The following SLC30A5 variants were observed in gnomAD, a reference collection of about 807,000 sequenced individuals.
SLC30A5 encodes solute carrier family 30 member 5, also known as proton-coupled zinc antiporter SLC30A5.
In SLC30A5, 33 loss-of-function variants were observed where a neutral mutation model predicts 79.6. That is an observed-to-expected ratio of 0.41 (90% CI 0.31 to 0.55). SLC30A5 has a LOEUF of 0.55. SLC30A5 is among the 20% of genes least tolerant of loss of function. SLC30A5 has a pLI of 0.20. For missense variants in SLC30A5, 788 were observed against 928.1 expected, an observed-to-expected ratio of 0.85 and a Z score of 1.96; for synonymous variants, 299 against 319.7, an observed-to-expected ratio of 0.94 and a Z score of 0.69.
At position 69,117,253 on chromosome 5, in the gene SLC30A5, G is replaced by A. The variant is rs1746395850; in HGVS notation, c.1296G>A (p.Val432=). The A allele has an allele frequency of 1.9e-6, 3 of 1,608,630 alleles. No homozygotes were observed. The highest frequency in any genetic ancestry group is 2.5e-6 in the Non-Finnish European group (3 of 1,176,944). The change falls in exon 11 of 16, where the codon GTG becomes GTA. Residue 432 remains valine, a synonymous_variant. Coordinates refer to ENST00000396591, the MANE Select transcript of SLC30A5 (RefSeq NM_022902.5). The part of the protein sequence containing the change: ...FLCLNLLFTF[V]ELFYGVLTNS... ...GACATTTTTAGCTTTTTACCTTTGT[G>A]GAATTATTCTATGGCGTGCTGACCA...
intron 4 of SLC30A5, 28 bp downstream of exon 4, chr5:69,104,744 G>T (rs766994157): frequency 6.3e-7 from 1 of 1,591,360 alleles, no homozygotes; most frequent in Non-Finnish European, 8.5e-7. Flanking sequence ...TTTTGAATGT[G>T]TGTTTGTATT....
chr5:69,104,435 C>T (rs1171868598), intron 3 of SLC30A5, 196 bp from the exon 4 acceptor site: 2 of 1,329,468 alleles, frequency 1.5e-6, no homozygotes, highest in Non-Finnish European at 1.9e-6. Context: ...AGCCACAGCA[C>T]CCGGCCCAGA....
intron 12 of SLC30A5, 93 bp from the exon 13 acceptor site, chr5:69,121,601 A>G (rs1050151889): frequency 2.3e-6 from 2 of 885,916 alleles, no homozygotes; most frequent in Non-Finnish European, 3.3e-6. Flanking sequence ...AAAACTGTAA[A>G]CAGAAAAACA....
intron 12 of SLC30A5, among the ~76,000 whole-genome samples, chr5:69,121,037 A>G (rs1303427431): frequency 6.6e-6 from 1 of 152,174 alleles, no homozygotes; most frequent in African/African-American, 2.4e-5. Flanking sequence ...TCATGCCTGT[A>G]ATCCCATAAT....
chr5:69,104,174 A>G, intron 3 of SLC30A5: 2 of 1,161,418 alleles, frequency 1.7e-6, no homozygotes, highest in Non-Finnish European at 1.1e-6. Flanking sequence ...GTCTTGCTCC[A>G]TCGCCCAGGC....
chr5:69,095,415 T>G (rs1365462168), intron 1 of SLC30A5, among the ~76,000 whole-genome samples: 1 of 152,088 alleles, frequency 6.6e-6, no homozygotes, highest in Non-Finnish European at 1.5e-5. Flanking sequence ...TTGGTGTGGC[T>G]GGTCTTGAGC....
At chr5:69,114,270 A>T in intron 6 of SLC30A5, 150 bp from the exon 7 acceptor site, 1 of 469,376 alleles carries the variant, frequency 2.1e-6, no homozygotes, top group South Asian at 4.5e-5. Context: ...TTTTGTTTTT[A>T]AGTGAAACAT....
Position 69,121,892 on chromosome 5 carries a change from A to C in SLC30A5, c.1768A>C (p.Arg590=), listed in dbSNP as rs757539858. ...GGGTGGAGGCATGAATGCTAACATG[A>C]GGGGTGAGTCCTTGCAAAATATTAT... The part of the protein sequence containing the change: ...SAGGGMNANM[R]GVFLHVLADT... The change falls in exon 13 of 16, where the codon AGG becomes CGG. Residue 590 remains arginine (R), a synonymous_variant. Transcript: ENST00000396591. 1 of 1,612,244 alleles carries C rather than the reference A, an allele frequency of 6.2e-7. No individual in the cohort carries two copies. Among genetic ancestry groups the C allele is most frequent in the South Asian group, 1.1e-5 (1 of 90,866 alleles).
In SLC30A5 at chr5:69,130,529, T is replaced by C. The variant is rs1453261046; in HGVS notation, c.*912T>C. ...CAGTTGAATTCTCTGCCTATGTAGG[T>C]AACTTTTTTCTAATTTCTGGAACAT... On this transcript the variant is annotated 3_prime_UTR_variant, in exon 16 of 16. Coordinates refer to ENST00000396591, the MANE Select transcript of SLC30A5 (RefSeq NM_022902.5). 1 of 152,162 alleles carries C rather than the reference T, an allele frequency of 6.6e-6. No individual in the cohort carries two copies. Among genetic ancestry groups the C allele is most frequent in the Admixed American group, 6.6e-5 (1 of 15,262 alleles). The allele number at this position is 152,162 out of a possible 1,614,324, so 9.4% of individuals were successfully genotyped here.
intron 13 of SLC30A5, 115 bp from the exon 14 acceptor site, chr5:69,123,084 G>A (rs532988651): frequency 1.6e-6 from 1 of 643,162 alleles, no homozygotes; most frequent in East Asian, 2.8e-5. Flanking sequence ...TGAAGTACTA[G>A]CCAGTAGCAG....
intron 13 of SLC30A5, among the ~76,000 whole-genome samples, chr5:69,122,990 G>T (rs149677627): frequency 6.6e-6 from 1 of 152,094 alleles, no homozygotes; most frequent in African/African-American, 2.4e-5. Flanking sequence ...AATTTGGCAC[G>T]CTGTGTCATG....
rs1746802345 is a variant in SLC30A5, at chr5:69,129,761, G to C, written c.*144G>C. 9 of 594,390 alleles carry C rather than the reference G, an allele frequency of 1.5e-5. No homozygotes were observed. The South Asian group carries it at 3.4e-4, about 23-fold the overall frequency. 36.8% of individuals were successfully genotyped at this position (594,390 alleles called of 1,614,324 possible). A position where few individuals can be genotyped will look rare whatever the true frequency, so the allele number is the denominator to read the frequency against. ...ACTGGATCAAGGAATCTTTCTTGAA[G>C]GAAATTTAAATACAGAATGAAACAT... On this transcript the variant is annotated 3_prime_UTR_variant, in exon 16 of 16. Coordinates refer to ENST00000396591, the MANE Select transcript of SLC30A5 (RefSeq NM_022902.5).
At chr5:69,114,557 T>C in intron 7 of SLC30A5, 61 bp downstream of exon 7, 1 of 1,032,686 alleles carries the variant, frequency 9.7e-7, no homozygotes, top group Non-Finnish European at 1.5e-6. Context: ...CAACTATAAC[T>C]ATAAAGGTAC....
intron 5 of SLC30A5, among the ~76,000 whole-genome samples, chr5:69,112,816 C>T (rs555856417): frequency 7.2e-5 from 11 of 152,122 alleles, no homozygotes; most frequent in Admixed American, 2.6e-4. Context: ...TCTTTAGCTA[C>T]GTGGGCTTTT....
chr5:69,118,337 G>GTGTGTATATAT (rs1206213964), intron 11 of SLC30A5, 162 bp from the exon 12 acceptor site: 1 of 244,860 alleles, frequency 4.1e-6, no homozygotes, highest in African/African-American at 2.6e-5. Context: ...ATATATATAT[G>GTGTGTATATAT]AAGGACCTTC....
chr5:69,094,760 A>G (rs1413374189), intron 1 of SLC30A5, among the ~76,000 whole-genome samples: 1 of 152,098 alleles, frequency 6.6e-6, no homozygotes, highest in African/African-American at 2.4e-5. Context: ...ACCAAAGTAC[A>G]TACGTGAACT....
intron 15 of SLC30A5, 37 bp from the exon 16 acceptor site, chr5:69,129,410 C>G: frequency 6.5e-7 from 1 of 1,530,028 alleles, no homozygotes; most frequent in Non-Finnish European, 9.0e-7. Flanking sequence ...AAATGCATTA[C>G]TCTAAATGCT....
rs1350173712 is a variant in SLC30A5 at position 69,108,576 on chromosome 5, CTG to C, written c.447+143_447+144del. 3 of 711,860 alleles carry C rather than the reference CTG, an allele frequency of 4.2e-6. No homozygotes were observed. In the East Asian group the frequency reaches 8.1e-5, roughly 19 times the overall value. The allele number at this position is 711,860 out of a possible 1,614,324, so 44.1% of individuals were successfully genotyped here. On this transcript the variant is annotated intron_variant, in intron 5 of 15. Transcript: ENST00000396591. The stretch of plus-strand genomic sequence containing the variant: ...ATGGCTCACGCCTGTAATCCCAACA[CTG>C]TGGGAGGCTGAGGTGGGCGGATTAC...
intron 1 of SLC30A5, among the ~76,000 whole-genome samples, chr5:69,097,016 C>CA (rs916371048): frequency 1.5e-4 from 22 of 144,754 alleles, no homozygotes; most frequent in African/African-American, 4.1e-4. Flanking sequence ...CCAACAACAA[C>CA]AAAAAAAAAG....
Sources: allele counts gnomAD v4.1 joint callset (sites outside exome capture counted in the v4.1 genomes callset), GRCh38; gene constraint gnomAD v4.1.1; transcripts MANE v1.5; gene names NCBI Gene and HGNC (gene_info 2026-07-23, HGNC 2026-07-21).